The following ANKRD33B variants were observed in gnomAD, a reference collection of about 807,000 sequenced individuals.
The protein encoded by ANKRD33B is ankyrin repeat domain-containing protein 33B.
A neutral mutation model predicts 21.5 loss-of-function variants in ANKRD33B; 6 were observed. That is an observed-to-expected ratio of 0.28 (90% CI 0.15 to 0.55). The LOEUF (loss-of-function observed/expected upper bound fraction) is 0.55, where lower values mean the gene tolerates loss of function less well. Among genes scored for constraint, ANKRD33B ranks in the 20% least tolerant of loss-of-function variants. ANKRD33B has a pLI of 0.94. For synonymous variants in ANKRD33B, 347 were observed against 342.4 expected (o/e 1.01, Z -0.15); for missense variants, 698 against 747.2 (o/e 0.93, Z 0.77).
chr5:10,595,654 A>G (rs1735803280), intron 1 of ANKRD33B, among the ~76,000 whole-genome samples: 1 of 152,188 alleles, frequency 6.6e-6, no homozygotes, highest in South Asian at 2.1e-4. Flanking sequence ...AGAATCCTCC[A>G]GTGGGGCCTG....
At chr5:10,579,875 G>A (rs559652215) in intron 1 of ANKRD33B, among the ~76,000 whole-genome samples, 13 of 152,156 alleles carry the variant, frequency 8.5e-5, no homozygotes, top group Non-Finnish European at 1.8e-4. Flanking sequence ...AATGTCTACC[G>A]TGGTTTTTAT....
chr5:10,570,028 C>T (rs1347121522), intron 1 of ANKRD33B, among the ~76,000 whole-genome samples: 1 of 152,182 alleles, frequency 6.6e-6, no homozygotes, highest in African/African-American at 2.4e-5. Context: ...AGGCATGTGC[C>T]ACCATGCCCG....
chr5:10,649,062 G>A (rs140298845), intron 3 of ANKRD33B, among the ~76,000 whole-genome samples: 123 of 151,970 alleles, frequency 8.1e-4, no homozygotes, highest in African/African-American at 2.8e-3. Flanking sequence ...ACAGTAGGAC[G>A]TGTTCCCGCC....
rs371460515 is a variant in ANKRD33B, at chr5:10,618,009, G to T, written c.367-324G>T. ...CTTTTTTACCCCATCGCCGTCTGCC[G>T]TGCTCTGTCGTTTATTTCTCTACGA... On this transcript the variant is annotated intron_variant, in intron 1 of 3. Transcript: ENST00000296657. Among the ~76,000 whole-genome samples the T allele has an allele frequency of 2.0e-5, 3 of 152,258 alleles. No homozygotes were observed. The South Asian group carries it at 6.2e-4, about 32-fold the overall frequency.
At chr5:10,599,844 T>C (rs1487598946) in intron 1 of ANKRD33B, among the ~76,000 whole-genome samples, 3 of 152,228 alleles carry the variant, frequency 2.0e-5, no homozygotes, top group Non-Finnish European at 2.9e-5. Context: ...TTTGGGCATA[T>C]ACCTAGGAGT....
At chr5:10,574,141 G>T (rs1283801214) in intron 1 of ANKRD33B, among the ~76,000 whole-genome samples, 1 of 152,244 alleles carries the variant, frequency 6.6e-6, no homozygotes, top group Non-Finnish European at 1.5e-5. Flanking sequence ...TCCACCGGCT[G>T]TGTAGAAGAT....
intron 1 of ANKRD33B, 24 bp from the exon 2 acceptor site, chr5:10,618,309 C>T: frequency 6.5e-7 from 1 of 1,536,238 alleles, no homozygotes; most frequent in Non-Finnish European, 8.7e-7. Flanking sequence ...GCCCCTCTGA[C>T]CCGCTTCCCC....
At chr5:10,630,608 C>T (rs1736684661) in intron 2 of ANKRD33B, among the ~76,000 whole-genome samples, 1 of 152,162 alleles carries the variant, frequency 6.6e-6, no homozygotes, top group African/African-American at 2.4e-5. Context: ...GCCATGTTCC[C>T]ATAACATGCG....
At position 10,649,508 on chromosome 5, in the gene ANKRD33B, C is replaced by T. The variant is rs1462100603; in HGVS notation, c.880C>T (p.Arg294Cys). Residue 294 changes from arginine (R) to cysteine (C), a missense_variant, in exon 4 of 4, where the codon CGC becomes TGC. Transcript: ENST00000296657. ...TDCVLSVLTP[R>C]SVRGPEDGGV... ...CTGCGTGCTGTCCGTGCTGACGCCG[C>T]GCTCCGTGCGGGGCCCGGAGGACGG... 3.3e-6 allele frequency: 5 copies of T among 1,534,440 alleles called. No homozygotes were observed. Among genetic ancestry groups the T allele is most frequent in the East Asian group, 2.4e-5 (1 of 40,866 alleles).
At chr5:10,611,357 A>G (rs1254522771) in intron 1 of ANKRD33B, among the ~76,000 whole-genome samples, 1 of 152,118 alleles carries the variant, frequency 6.6e-6, no homozygotes, top group Non-Finnish European at 1.5e-5. Context: ...ATAAACTCTG[A>G]TACACACATA....
chr5:10,618,541 T>G, intron 2 of ANKRD33B, 79 bp downstream of exon 2: 7 of 1,448,294 alleles, frequency 4.8e-6, no homozygotes, highest in Non-Finnish European at 6.4e-6. Context: ...CCCGTTGCGA[T>G]GCAGTCAGGA....
intron 1 of ANKRD33B, among the ~76,000 whole-genome samples, chr5:10,607,302 C>T (rs1736065813): frequency 1.3e-5 from 2 of 152,240 alleles, no homozygotes. Flanking sequence ...GCTCTGCTCT[C>T]TCTGCCCTCA....
rs373374329 is a variant in ANKRD33B at position 10,634,525 on chromosome 5, T to A, written c.497-3503T>A. 2.8e-4 allele frequency among the ~76,000 whole-genome samples: 42 copies of A among 150,688 alleles called. 1 individual carries two copies. The highest frequency in any genetic ancestry group is 1.0e-3 in the African/African-American group (42 of 41,032). On this transcript the variant is annotated intron_variant, in intron 2 of 3. Coordinates refer to ENST00000296657, the MANE Select transcript of ANKRD33B (RefSeq NM_001164440.2). ...TCCAGGCTGGAGTTCAGTGGTGTGA[T>A]CTTAGCTCACTGCAACCTCCACCTC...
At chr5:10,603,358 G>A (rs1735973728) in intron 1 of ANKRD33B, among the ~76,000 whole-genome samples, 2 of 151,776 alleles carry the variant, frequency 1.3e-5, no homozygotes, top group Non-Finnish European at 2.9e-5. Flanking sequence ...CGCCTCCCAG[G>A]TTCAAGTGAT....
intron 3 of ANKRD33B, among the ~76,000 whole-genome samples, chr5:10,648,879 C>T (rs1737249746): frequency 6.6e-6 from 1 of 152,224 alleles, no homozygotes; most frequent in Admixed American, 6.5e-5. Flanking sequence ...GCCCGTAATC[C>T]CAGCACTTTG....
At chr5:10,618,707 C>T (rs865896018) in intron 2 of ANKRD33B, among the ~76,000 whole-genome samples, 3 of 152,164 alleles carry the variant, frequency 2.0e-5, no homozygotes, top group Non-Finnish European at 4.4e-5. Context: ...GAATCTGTAC[C>T]AGAAAGCCAC....
In ANKRD33B at chr5:10,641,208, GTCT is replaced by G. The variant is rs554853704; in HGVS notation, c.637+3057_637+3059del. 5.9e-3 allele frequency among the ~76,000 whole-genome samples: 719 copies of G among 122,034 alleles called. 15 individuals carry two copies. Among genetic ancestry groups the G allele is most frequent in the Non-Finnish European group, 8.7e-3 (515 of 59,448 alleles). 80.1% of individuals were successfully genotyped at this position (122,034 alleles called of 152,430 possible). On this transcript the variant is annotated intron_variant, in intron 3 of 3. Coordinates refer to ENST00000296657, the MANE Select transcript of ANKRD33B (RefSeq NM_001164440.2). ...GTTGTCTTCTTCTTAGTTGTCCCCA[GTCT>G]TCTTCTTCTTCTTCTTTTTTTTTTT...
At chr5:10,618,502 C>A in intron 2 of ANKRD33B, 40 bp downstream of exon 2, 1 of 1,485,014 alleles carries the variant, frequency 6.7e-7, no homozygotes, top group Admixed American at 2.2e-5. Context: ...GAGCCGTGGC[C>A]AGAGCACCGC....
At chr5:10,595,333 TG>T (rs368503743) in intron 1 of ANKRD33B, among the ~76,000 whole-genome samples, 1 of 152,098 alleles carries the variant, frequency 6.6e-6, no homozygotes, top group East Asian at 1.9e-4. Context: ...CTCACAATTC[TG>T]GGGGGCAGAT....
Sources: allele counts gnomAD v4.1 joint callset (sites outside exome capture counted in the v4.1 genomes callset), GRCh38; gene constraint gnomAD v4.1.1; transcripts MANE v1.5; gene names NCBI Gene and HGNC (gene_info 2026-07-23, HGNC 2026-07-21).